The following MEI4 variants were observed in gnomAD, a reference collection of about 807,000 sequenced individuals.
MEI4 encodes the protein meiotic double-stranded break formation protein 4, also known as meiosis-specific protein MEI4.
A neutral mutation model predicts 31.4 loss-of-function variants in MEI4; 27 were observed. The observed-to-expected ratio is 0.86, with a 90% CI of 0.63 to 1.19. The LOEUF (loss-of-function observed/expected upper bound fraction) is 1.19. Ranked by LOEUF, MEI4 falls within the 50% of genes most tolerant of loss-of-function variation. The pLI is 0.00. For synonymous variants in MEI4, 122 were observed against 145.4 expected (o/e 0.84, Z 1.16); for missense variants, 329 against 398.9 (o/e 0.82, Z 1.49).
chr6:77,678,787 G>A (rs62418198), intron 1 of MEI4, among the ~76,000 whole-genome samples: 43,430 of 152,022 alleles, frequency 0.29, 7,022 homozygotes, highest in South Asian at 0.39. Context: ...GCAAGAAGGC[G>A]TTATCAAAGT....
chr6:77,748,626 G>A (rs1767677502), intron 2 of MEI4, among the ~76,000 whole-genome samples: 2 of 152,200 alleles, frequency 1.3e-5, no homozygotes, highest in East Asian at 3.9e-4. Flanking sequence ...TTTCCCCATT[G>A]TCTTGGAGAT....
rs144152341 is a variant in MEI4 at position 77,748,440 on chromosome 6, C to A, written c.233-12690C>A. Among the ~76,000 whole-genome samples the A allele has an allele frequency of 1.4e-3, 212 of 152,294 alleles. 1 individual carries two copies. Among genetic ancestry groups the A allele is most frequent in the African/African-American group, 4.5e-3 (186 of 41,586 alleles). On this transcript the variant is annotated intron_variant, in intron 2 of 4. Transcript: ENST00000684080. ...GCAATAGCCCAAGCTTTACTGTGGCCCCTTTCAGCTACAACTGGAGCTGGA... is the reference window on the plus strand; with the variant it reads ...GCAATAGCCCAAGCTTTACTGTGGCACCTTTCAGCTACAACTGGAGCTGGA...
intron 3 of MEI4, among the ~76,000 whole-genome samples, chr6:77,781,446 G>C (rs1386040670): frequency 6.6e-6 from 1 of 152,012 alleles, no homozygotes; most frequent in Non-Finnish European, 1.5e-5. Flanking sequence ...GTCCATAAAC[G>C]AACCATGTTG....
rs1770020814 is a variant in MEI4 at position 77,829,095 on chromosome 6, AT to A, written c.900+34del. 3.3e-6 allele frequency: 4 copies of A among 1,223,652 alleles called. No homozygotes were observed. The South Asian group carries it at 1.7e-4, about 51-fold the overall frequency. 75.8% of individuals were successfully genotyped at this position (1,223,652 alleles called of 1,614,324 possible). On this transcript the variant is annotated intron_variant, in intron 4 of 4. Coordinates refer to ENST00000684080, the MANE Select transcript of MEI4 (RefSeq NM_001322247.2). ...TAACTTGAAACTGTAGTTCTCATAT[AT>A]AGTTATTGTAACTATATGTTTTTCT...
chr6:77,794,334 C>A (rs58640208), intron 3 of MEI4, among the ~76,000 whole-genome samples: 3 of 151,898 alleles, frequency 2.0e-5, no homozygotes, highest in South Asian at 4.1e-4. Flanking sequence ...GAGGCCGAGG[C>A]GGGTGGATCA....
At chr6:77,676,015 AGC>A (rs1461481979) in intron 1 of MEI4, among the ~76,000 whole-genome samples, 1 of 152,182 alleles carries the variant, frequency 6.6e-6, no homozygotes, top group Non-Finnish European at 1.5e-5. Flanking sequence ...ATCATAGTCT[AGC>A]CAGGCCAGAT....
Position 77,862,066 on chromosome 6 carries a change from A to T in MEI4, c.900+33004A>T, listed in dbSNP as rs950135085. Among the ~76,000 whole-genome samples the T allele has an allele frequency of 3.8e-4, 6 of 15,644 alleles. No individual in the cohort carries two copies. The Admixed American group carries it at 3.9e-3, about 10-fold the overall frequency. The allele number at this position is 15,644 out of a possible 152,430, so 10.3% of individuals were successfully genotyped here. On this transcript the variant is annotated intron_variant, in intron 4 of 4. Transcript: ENST00000684080. ...TTGGTAGATCCACAGCAAAGAATTA[A>T]AAAAAAAAAAAAATGGAGGGTGGAG...
intron 1 of MEI4, among the ~76,000 whole-genome samples, chr6:77,690,010 G>T (rs997434880): frequency 6.6e-6 from 1 of 151,976 alleles, no homozygotes; most frequent in Non-Finnish European, 1.5e-5. Flanking sequence ...CACACTGTTG[G>T]TTTGGAAAAG....
At chr6:77,840,093 T>A (rs1437578823) in intron 4 of MEI4, among the ~76,000 whole-genome samples, 1 of 152,098 alleles carries the variant, frequency 6.6e-6, no homozygotes, top group Non-Finnish European at 1.5e-5. Context: ...AATATATGTG[T>A]TGTGTGTGTT....
chr6:77,874,249 C>T (rs1005651476), intron 4 of MEI4, among the ~76,000 whole-genome samples: 3 of 152,104 alleles, frequency 2.0e-5, no homozygotes, highest in Admixed American at 6.5e-5. Context: ...ATGGAATGTT[C>T]TTCCATTTGT....
chr6:77,769,608 A>G (rs1211072288), intron 3 of MEI4, among the ~76,000 whole-genome samples: 1 of 152,080 alleles, frequency 6.6e-6, no homozygotes. Flanking sequence ...CATCTGCTTG[A>G]GGAAGGTGGA....
intron 2 of MEI4, among the ~76,000 whole-genome samples, chr6:77,747,147 A>G (rs1366205133): frequency 2.6e-5 from 4 of 152,032 alleles, no homozygotes; most frequent in African/African-American, 9.7e-5. Flanking sequence ...CCTCATCTCT[A>G]CTAAAAATGC....
chr6:77,747,904 C>T (rs1213654516), intron 2 of MEI4, among the ~76,000 whole-genome samples: 1 of 152,186 alleles, frequency 6.6e-6, no homozygotes, highest in African/African-American at 2.4e-5. Context: ...TGCTCCTGTT[C>T]CAAATGGGAG....
At chr6:77,651,084 G>A (rs1768290606), upstream of MEI4, among the ~76,000 whole-genome samples, 1 of 152,220 alleles carries the variant, frequency 6.6e-6, no homozygotes, top group African/African-American at 2.4e-5. Context: ...AGGAAGCATT[G>A]AGGGTAAAGG....
intron 4 of MEI4, among the ~76,000 whole-genome samples, chr6:77,890,148 G>A (rs1050448292): frequency 1.3e-5 from 2 of 152,152 alleles, no homozygotes; most frequent in African/African-American, 2.4e-5. Flanking sequence ...GGCCACCATC[G>A]TCCAGACCCC....
chr6:77,865,733 G>T (rs899385376), intron 4 of MEI4, among the ~76,000 whole-genome samples: 101 of 152,094 alleles, frequency 6.6e-4, no homozygotes, highest in Non-Finnish European at 1.1e-3. Context: ...ATTTTATGAG[G>T]CCAGCATCAT....
At chr6:77,743,777 G>A (rs1259110724) in intron 2 of MEI4, among the ~76,000 whole-genome samples, 1 of 152,170 alleles carries the variant, frequency 6.6e-6, no homozygotes, top group Admixed American at 6.5e-5. Context: ...AAAACTTCCA[G>A]AGGAAAGATC....
chr6:77,732,447 A>C (rs986097348), intron 2 of MEI4, among the ~76,000 whole-genome samples: 2 of 152,042 alleles, frequency 1.3e-5, no homozygotes, highest in Non-Finnish European at 2.9e-5. Flanking sequence ...CTTGGTGTAT[A>C]AGAATGCTTG....
chr6:77,863,983 C>A (rs1770945580), intron 4 of MEI4, among the ~76,000 whole-genome samples: 1 of 152,082 alleles, frequency 6.6e-6, no homozygotes, highest in Non-Finnish European at 1.5e-5. Flanking sequence ...CCAAACTAAG[C>A]TTCATAAGTG....
Sources: allele counts gnomAD v4.1 joint callset (sites outside exome capture counted in the v4.1 genomes callset), GRCh38; gene constraint gnomAD v4.1.1; transcripts MANE v1.5; gene names NCBI Gene and HGNC (gene_info 2026-07-23, HGNC 2026-07-21).